The following CD96 variants were observed in gnomAD, a reference collection of about 807,000 sequenced individuals.
The protein encoded by CD96 is CD96 molecule, also known as T-cell surface protein tactile.
Under a neutral mutation model 71.3 loss-of-function variants are expected in CD96, and 70 were observed. The observed-to-expected ratio is 0.98, with a 90% CI of 0.81 to 1.20. The LOEUF (loss-of-function observed/expected upper bound fraction) is 1.20. CD96 is among the 50% of genes most tolerant of loss of function. CD96 has a pLI of 0.00. For synonymous variants in CD96, 248 were observed against 233.0 expected (o/e 1.06, Z -0.59); for missense variants, 742 against 677.5 (o/e 1.10, Z -1.06).
chr3:111,575,039 C>A (rs1408903039), intron 3 of CD96, among the ~76,000 whole-genome samples: 1 of 152,112 alleles, frequency 6.6e-6, no homozygotes, highest in South Asian at 2.1e-4. Flanking sequence ...AGAAATCCAC[C>A]AGCCTTGGCC....
intron 4 of CD96, among the ~76,000 whole-genome samples, chr3:111,582,956 CA>C: frequency 6.6e-6 from 1 of 152,298 alleles, no homozygotes; most frequent in African/African-American, 2.4e-5. Context: ...GCCTTCCCAA[CA>C]GTCCCCCATA....
At chr3:111,616,806 C>T (rs1287168173) in intron 8 of CD96, among the ~76,000 whole-genome samples, 3 of 152,082 alleles carry the variant, frequency 2.0e-5, no homozygotes, top group African/African-American at 4.8e-5. Context: ...GGGAGCCTGC[C>T]CCCTACTGAC....
intron 12 of CD96, among the ~76,000 whole-genome samples, chr3:111,643,178 A>G (rs1306463244): frequency 2.6e-5 from 4 of 152,146 alleles, no homozygotes; most frequent in East Asian, 1.9e-4. Context: ...ATGGTTTAAC[A>G]TACACAAGCC....
chr3:111,567,809 T>C (rs989399121), intron 3 of CD96, among the ~76,000 whole-genome samples, 162 bp downstream of exon 3: 1 of 152,202 alleles, frequency 6.6e-6, no homozygotes, highest in Non-Finnish European at 1.5e-5. Flanking sequence ...GTCACTCAGA[T>C]TCCTTCTCAC....
chr3:111,587,358 G>GAGAAGA (rs1936762488), intron 5 of CD96, among the ~76,000 whole-genome samples: 3 of 151,984 alleles, frequency 2.0e-5, no homozygotes, highest in Non-Finnish European at 4.4e-5. Flanking sequence ...CTGAAGGATG[G>GAGAAGA]TAGTCCTCTT....
chr3:111,623,463 CAGAAT>C, intron 8 of CD96, among the ~76,000 whole-genome samples: 1 of 152,066 alleles, frequency 6.6e-6, no homozygotes. Context: ...CCCCAGCGTG[CAGAAT>C]AGAGTCTGGC....
intron 5 of CD96, chr3:111,593,798 A>G (rs774748507): frequency 1.9e-6 from 3 of 1,614,042 alleles, no homozygotes; most frequent in Admixed American, 1.7e-5. Flanking sequence ...GTTACCCTCA[A>G]TGCCTGTGGG....
intron 2 of CD96, among the ~76,000 whole-genome samples, chr3:111,555,528 C>T (rs567541233): frequency 9.2e-5 from 14 of 152,400 alleles, no homozygotes; most frequent in Non-Finnish European, 1.3e-4. Flanking sequence ...ATATATCTTT[C>T]GATCGCCATT....
chr3:111,664,013 G>A (rs1281431210), intron 14 of CD96, among the ~76,000 whole-genome samples: 1 of 152,280 alleles, frequency 6.6e-6, no homozygotes, highest in Admixed American at 6.5e-5. Flanking sequence ...GCCTCCCAAA[G>A]TGATGGGGTT....
chr3:111,543,014 G>A (rs1413738820), intron 1 of CD96, among the ~76,000 whole-genome samples: 2 of 152,144 alleles, frequency 1.3e-5, no homozygotes, highest in East Asian at 3.8e-4. Context: ...TAAATCAAAA[G>A]AGATTTGGAA....
chr3:111,570,222 C>T (rs1010256593), intron 3 of CD96, among the ~76,000 whole-genome samples: 5 of 152,178 alleles, frequency 3.3e-5, no homozygotes, highest in Admixed American at 3.3e-4. Context: ...GTCTGAGCAG[C>T]AGGGAGCCCT....
intron 5 of CD96, chr3:111,592,945 A>G (rs1207365623): frequency 1.3e-5 from 2 of 152,242 alleles, no homozygotes; most frequent in African/African-American, 2.4e-5. Flanking sequence ...ACATTGCAGC[A>G]ATAACAGGAG....
intron 2 of CD96, among the ~76,000 whole-genome samples, chr3:111,552,047 CA>C (rs1176979983): frequency 2.0e-5 from 3 of 152,060 alleles, no homozygotes; most frequent in Non-Finnish European, 4.4e-5. Flanking sequence ...CTCTAATTAT[CA>C]GTGATGTTGA....
At chr3:111,549,461 T>G (rs1361116339) in intron 2 of CD96, among the ~76,000 whole-genome samples, 1 of 152,166 alleles carries the variant, frequency 6.6e-6, no homozygotes, top group Non-Finnish European at 1.5e-5. Context: ...TTGTTTGATT[T>G]TTTTTGTTTT....
At chr3:111,661,138 G>A (rs1169903904) in intron 14 of CD96, among the ~76,000 whole-genome samples, 2 of 152,132 alleles carry the variant, frequency 1.3e-5, no homozygotes, top group South Asian at 2.1e-4. Context: ...ATGGCGGCAG[G>A]AGTGACAGAG....
At chr3:111,628,551 T>C (rs949008567) in intron 10 of CD96, among the ~76,000 whole-genome samples, 12 of 152,184 alleles carry the variant, frequency 7.9e-5, no homozygotes, top group Non-Finnish European at 1.5e-5. Flanking sequence ...CTATGACTGA[T>C]TGGGGTACCT....
intron 8 of CD96, among the ~76,000 whole-genome samples, chr3:111,618,710 G>C (rs1323812984): frequency 6.6e-6 from 1 of 150,754 alleles, no homozygotes. Context: ...TCAGCCTCTC[G>C]AGTAGCTGGG....
At chr3:111,665,477 C>T (rs1278770139) in intron 14 of CD96, 1 of 152,068 alleles carries the variant, frequency 6.6e-6, no homozygotes, top group African/African-American at 2.4e-5. Context: ...AAGGATTCAT[C>T]CCATAAGTTC....
downstream of CD96, among the ~76,000 whole-genome samples, chr3:111,653,823 T>C (rs766307372): frequency 3.3e-5 from 5 of 152,104 alleles, no homozygotes; most frequent in South Asian, 2.1e-4. Flanking sequence ...TTTTTTTTTT[T>C]TATGCCTTGG....
Sources: gnomAD v4.1 joint callset for allele counts (sites outside exome capture counted in the v4.1 genomes callset) on GRCh38, gnomAD v4.1.1 for gene constraint, MANE v1.5 for transcripts, NCBI Gene and HGNC (gene_info 2026-07-23, HGNC 2026-07-21) for gene names.